Variants in THSD7A observed in about 807,000 individuals in gnomAD.
The protein encoded by THSD7A is thrombospondin type 1 domain containing 7A.
A neutral mutation model predicts 231.3 loss-of-function variants in THSD7A; 96 were observed. That is an observed-to-expected ratio of 0.41 (90% CI 0.35 to 0.49). The LOEUF (loss-of-function observed/expected upper bound fraction) is 0.49, where lower values mean the gene tolerates loss of function less well. Ranked by LOEUF, THSD7A falls within the 20% of genes least tolerant of loss-of-function variation. The probability of loss-of-function intolerance (pLI) is 0.05; values close to 1 mark genes in which losing one functional copy is unlikely to be tolerated. For missense variants in THSD7A, 2,290 were observed against 2,070.2 expected (o/e 1.11, Z -2.06); for synonymous variants, 940 against 743.3 (o/e 1.26, Z -4.30).
intron 2 of THSD7A, among the ~76,000 whole-genome samples, chr7:11,629,723 C>A (rs1781587074): frequency 6.6e-6 from 1 of 152,240 alleles, no homozygotes; most frequent in African/African-American, 2.4e-5. Context: ...ATAGGCACTG[C>A]ATAGAAATTC....
At chr7:11,458,372 C>T (rs978195218) in intron 11 of THSD7A, among the ~76,000 whole-genome samples, 1 of 151,994 alleles carries the variant, frequency 6.6e-6, no homozygotes, top group Non-Finnish European at 1.5e-5. Flanking sequence ...CTTCATGTTT[C>T]TATAGAAATA....
chr7:11,476,048 A>G (rs1583813661), intron 7 of THSD7A, among the ~76,000 whole-genome samples: 1 of 151,842 alleles, frequency 6.6e-6, no homozygotes. Flanking sequence ...TTTTAAATGA[A>G]ACTTGTTAGG....
intron 3 of THSD7A, 137 bp downstream of exon 3, chr7:11,593,117 T>A: frequency 8.1e-7 from 1 of 1,229,784 alleles, no homozygotes; most frequent in Non-Finnish European, 1.1e-6. Context: ...GTAAAAAAAG[T>A]TTTTTTTAAG....
chr7:11,465,752 C>G (rs1480897032), intron 9 of THSD7A, among the ~76,000 whole-genome samples: 2 of 151,880 alleles, frequency 1.3e-5, no homozygotes, highest in Non-Finnish European at 2.9e-5. Flanking sequence ...AATATTCCTT[C>G]TATTTCTCAA....
chr7:11,465,817 A>G (rs766284524), intron 9 of THSD7A, among the ~76,000 whole-genome samples: 20 of 152,166 alleles, frequency 1.3e-4, no homozygotes, highest in Non-Finnish European at 2.5e-4. Context: ...GCAACCAAAT[A>G]TATTATTTGA....
chr7:11,754,971 T>A (rs1782625976), intron 1 of THSD7A, among the ~76,000 whole-genome samples: 1 of 152,104 alleles, frequency 6.6e-6, no homozygotes, highest in Non-Finnish European at 1.5e-5. Context: ...GTTTATTCCT[T>A]AGGCGTAAGA....
intron 4 of THSD7A, among the ~76,000 whole-genome samples, chr7:11,561,942 G>C (rs1266825117): frequency 1.3e-5 from 2 of 152,136 alleles, no homozygotes; most frequent in East Asian, 3.9e-4. Flanking sequence ...GTTCAAAGCT[G>C]ACTTACCCAC....
chr7:11,462,133 A>G lies in THSD7A; in HGVS notation c.2379T>C (p.Ser793=). The G allele has an allele frequency of 1.2e-6, 2 of 1,613,604 alleles. No homozygotes were observed. The highest frequency in any genetic ancestry group is 1.7e-6 in the Non-Finnish European group (2 of 1,179,714). Residue 793 remains serine, a synonymous_variant, in exon 10 of 28, where the codon AGT becomes AGC. Coordinates refer to ENST00000423059, the MANE Select transcript of THSD7A (RefSeq NM_015204.3). ...CPSSCKEGDS[S]IRKQSRHRVI... is the part of the protein sequence containing the mutation. Reference sequence around the variant, plus strand: ...CCCGATGCCTAGACTGCTTCCTGATACTGGAGTCCCCTGCAATGAAGCAGT... The same window carrying G: ...CCCGATGCCTAGACTGCTTCCTGATGCTGGAGTCCCCTGCAATGAAGCAGT...
chr7:11,539,070 T>G (rs1203184591), intron 6 of THSD7A, among the ~76,000 whole-genome samples: 2 of 152,190 alleles, frequency 1.3e-5, no homozygotes, highest in African/African-American at 4.8e-5. Flanking sequence ...AATGTATAGC[T>G]GCAGCCCAGG....
chr7:11,688,634 G>T (rs1198801498), intron 1 of THSD7A, among the ~76,000 whole-genome samples: 1 of 151,838 alleles, frequency 6.6e-6, no homozygotes, highest in South Asian at 2.1e-4. Context: ...AAGAAGAGAA[G>T]ATTTCAGATA....
At chr7:11,392,908 A>T (rs1013282262) in intron 23 of THSD7A, among the ~76,000 whole-genome samples, 2 of 152,176 alleles carry the variant, frequency 1.3e-5, no homozygotes, top group Non-Finnish European at 2.9e-5. Context: ...TCAAACTCCC[A>T]TCTCCCTGGG....
At chr7:11,520,546 T>G (rs1788221467) in intron 6 of THSD7A, among the ~76,000 whole-genome samples, 1 of 152,198 alleles carries the variant, frequency 6.6e-6, no homozygotes, top group Admixed American at 6.5e-5. Flanking sequence ...TATATATCTT[T>G]GCATATGCCA....
intron 9 of THSD7A, among the ~76,000 whole-genome samples, chr7:11,466,576 C>A (rs931144095): frequency 1.1e-4 from 16 of 152,094 alleles, no homozygotes; most frequent in African/African-American, 3.9e-4. Context: ...AAATACCCAA[C>A]TGAGGTGATT....
intron 6 of THSD7A, among the ~76,000 whole-genome samples, chr7:11,527,165 G>A (rs925193583): frequency 5.3e-5 from 8 of 152,018 alleles, no homozygotes; most frequent in Admixed American, 3.3e-4. Flanking sequence ...TATCCAGAAG[G>A]CTCTCCATAT....
chr7:11,611,095 G>T (rs2128348894), intron 2 of THSD7A, among the ~76,000 whole-genome samples: 1 of 152,166 alleles, frequency 6.6e-6, no homozygotes, highest in Non-Finnish European at 1.5e-5. Flanking sequence ...AAGGGACCTT[G>T]CTTCAACCTC....
At chr7:11,791,122 T>G (rs934916970) in intron 1 of THSD7A, among the ~76,000 whole-genome samples, 1 of 152,032 alleles carries the variant, frequency 6.6e-6, no homozygotes, top group South Asian at 2.1e-4. Context: ...CTTCAATTTC[T>G]GTGGAGAAGA....
intron 6 of THSD7A, among the ~76,000 whole-genome samples, chr7:11,485,614 T>C (rs1786624120): frequency 6.6e-6 from 1 of 152,204 alleles, no homozygotes; most frequent in African/African-American, 2.4e-5. Flanking sequence ...TAGCAAAAGT[T>C]TGACTAAAGG....
At chr7:11,802,008 T>C (rs561273896) in intron 1 of THSD7A, among the ~76,000 whole-genome samples, 32 of 152,358 alleles carry the variant, frequency 2.1e-4, no homozygotes, top group African/African-American at 7.7e-4. Context: ...AAAGGTTATT[T>C]ATATTGACAG....
intron 1 of THSD7A, among the ~76,000 whole-genome samples, chr7:11,808,866 A>G (rs761297809): frequency 7.2e-5 from 11 of 152,284 alleles, no homozygotes; most frequent in Middle Eastern, 3.4e-3. Flanking sequence ...TTACAGTATA[A>G]TTTCATAATA....
Sources: gnomAD v4.1 joint callset for allele counts (sites outside exome capture counted in the v4.1 genomes callset) on GRCh38, gnomAD v4.1.1 for gene constraint, MANE v1.5 for transcripts, NCBI Gene and HGNC (gene_info 2026-07-23, HGNC 2026-07-21) for gene names.